Variants in SLC71A1 observed in about 807,000 individuals in gnomAD.
SLC71A1 encodes the protein hippocampus abundant gene transcript 1.
the SLC71A1 span, chr1:100,068,176 A>G: frequency 6.2e-7 from 1 of 1,614,006 alleles, no homozygotes; most frequent in Non-Finnish European, 8.5e-7. Flanking sequence ...ATTTCCTGGG[A>G]ACAAGCTGAC....
the SLC71A1 span, among the ~76,000 whole-genome samples, chr1:100,064,464 A>G: frequency 6.6e-6 from 1 of 152,152 alleles, no homozygotes; most frequent in African/African-American, 2.4e-5. Flanking sequence ...TTAAAAAACC[A>G]CCACAACCCA....
At chr1:100,079,249 C>A in the SLC71A1 span, 19 of 150,756 alleles carry the variant, frequency 1.3e-4, no homozygotes, top group African/African-American at 4.6e-4. Flanking sequence ...TTGAAGCTAG[C>A]TTAGGCAACA....
the SLC71A1 span, among the ~76,000 whole-genome samples, chr1:100,045,834 A>C: frequency 7.0e-3 from 1,067 of 152,258 alleles, 10 homozygotes; most frequent in African/African-American, 0.024. Flanking sequence ...ATAAATAAAT[A>C]AATCTGTTCA....
the SLC71A1 span, among the ~76,000 whole-genome samples, chr1:100,052,428 T>TC: frequency 7.1e-6 from 1 of 140,482 alleles, no homozygotes; most frequent in Non-Finnish European, 1.6e-5. Context: ...ATATTCCTTT[T>TC]TTTTTTTTTT....
chr1:100,059,908 A>G, the SLC71A1 span: 1 of 1,612,538 alleles, frequency 6.2e-7, no homozygotes, highest in East Asian at 2.2e-5. Context: ...TGCCCCGCTT[A>G]TTGGTGCTCT....
the SLC71A1 span, chr1:100,080,506 A>G: frequency 6.2e-7 from 1 of 1,613,124 alleles, no homozygotes; most frequent in Non-Finnish European, 8.5e-7. Flanking sequence ...GTGTCGTTCA[A>G]GGAATGATAA....
chr1:100,046,220 T>TC, the SLC71A1 span, among the ~76,000 whole-genome samples: 1 of 92,560 alleles, frequency 1.1e-5, no homozygotes, highest in Non-Finnish European at 2.1e-5. Flanking sequence ...TCGTTTTTTT[T>TC]TTTTTTTTTT....
the SLC71A1 span, among the ~76,000 whole-genome samples, chr1:100,066,988 C>CA: frequency 0.73 from 50,480 of 69,574 alleles, 18,177 homozygotes; most frequent in East Asian, 0.9. Context: ...GACTCCGTCT[C>CA]AAAAAAAAAA....
At chr1:100,044,007 T>C in the SLC71A1 span, among the ~76,000 whole-genome samples, 1 of 152,266 alleles carries the variant, frequency 6.6e-6, no homozygotes, top group South Asian at 2.1e-4. Context: ...TGTGCTGCTA[T>C]AAACATGCAT....
the SLC71A1 span, among the ~76,000 whole-genome samples, chr1:100,078,077 A>T: frequency 1.3e-5 from 2 of 152,246 alleles, no homozygotes; most frequent in Admixed American, 6.5e-5. Flanking sequence ...AAATCCATCC[A>T]TAAGAACTTT....
At chr1:100,077,410 T>TA in the SLC71A1 span, 1 of 589,492 alleles carries the variant, frequency 1.7e-6, no homozygotes, top group Non-Finnish European at 3.0e-6. Flanking sequence ...ATGTGTCTAA[T>TA]ATAAGTCTGC....
chr1:100,043,004 C>G, the SLC71A1 span: 1 of 729,504 alleles, frequency 1.4e-6, no homozygotes, highest in South Asian at 6.2e-5. Flanking sequence ...AGCTCCTTAC[C>G]TCCATGGTTC....
At chr1:100,041,082 G>A in the SLC71A1 span, among the ~76,000 whole-genome samples, 1 of 152,066 alleles carries the variant, frequency 6.6e-6, no homozygotes, top group South Asian at 2.1e-4. Flanking sequence ...AGCCTATTTG[G>A]CCAGTTTAAA....
the SLC71A1 span, among the ~76,000 whole-genome samples, chr1:100,044,262 T>C: frequency 6.6e-6 from 1 of 152,224 alleles, no homozygotes; most frequent in African/African-American, 2.4e-5. Flanking sequence ...GTAAATGATA[T>C]CTCATTGTGG....
chr1:100,042,494 G>T, the SLC71A1 span, among the ~76,000 whole-genome samples: 1 of 152,172 alleles, frequency 6.6e-6, no homozygotes, highest in East Asian at 1.9e-4. Context: ...TGAAGTAGTG[G>T]CAGGAAAGCT....
the SLC71A1 span, chr1:100,077,151 T>C: frequency 1.7e-6 from 2 of 1,167,938 alleles, no homozygotes; most frequent in Non-Finnish European, 2.5e-6. Flanking sequence ...TAAATCTTTT[T>C]TTTTTTTTTT....
the SLC71A1 span, among the ~76,000 whole-genome samples, chr1:100,067,224 G>C: frequency 1.2e-4 from 18 of 152,142 alleles, no homozygotes; most frequent in African/African-American, 3.9e-4. Context: ...TTTGAAGACA[G>C]TGTCCTGAGA....
At chr1:100,059,843 G>A in the SLC71A1 span, 31 of 1,570,080 alleles carry the variant, frequency 2.0e-5, no homozygotes, top group East Asian at 5.7e-4. Context: ...GCTCATAGAT[G>A]TGTGGTATTC....
At chr1:100,050,119 C>A in the SLC71A1 span, 1 of 582,926 alleles carries the variant, frequency 1.7e-6, no homozygotes, top group Non-Finnish European at 3.0e-6. Context: ...CAGTATTGTT[C>A]AGTATTCACC....
Sources: gnomAD v4.1 joint callset for allele counts (sites outside exome capture counted in the v4.1 genomes callset) on GRCh38, gnomAD v4.1.1 for gene constraint, MANE v1.5 for transcripts, NCBI Gene and HGNC (gene_info 2026-07-23, HGNC 2026-07-21) for gene names.